The following RB1 variants were observed in gnomAD, a reference collection of about 807,000 sequenced individuals.
RB1 encodes retinoblastoma-associated protein.
RB1 carries 18 observed loss-of-function variants against 135.4 expected under a neutral mutation model. The observed-to-expected ratio is 0.13, with a 90% CI of 0.09 to 0.20. RB1 has a LOEUF of 0.20. Ranked by LOEUF, RB1 falls within the 10% of genes least tolerant of loss-of-function variation. The pLI, the probability that RB1 is intolerant of heterozygous loss-of-function variation, is 1.00. For missense variants in RB1, 868 were observed against 1,110.0 expected (o/e 0.78, Z 3.10); for synonymous variants, 365 against 373.2 (o/e 0.98, Z 0.25).
At chr13:48,463,409 A>C (rs1949417520) in intron 20 of RB1, among the ~76,000 whole-genome samples, 1 of 152,176 alleles carries the variant, frequency 6.6e-6, no homozygotes. Context: ...TGGCTTTTTA[A>C]AGTGCTAGTT....
chr13:48,304,713 G>C (rs1952065015), intron 1 of RB1, among the ~76,000 whole-genome samples: 1 of 152,112 alleles, frequency 6.6e-6, no homozygotes. Context: ...ACTGAAACAT[G>C]GGCAAAACTT....
At chr13:48,434,827 G>C (rs1949166856) in intron 17 of RB1, among the ~76,000 whole-genome samples, 1 of 152,116 alleles carries the variant, frequency 6.6e-6, no homozygotes, top group Admixed American at 6.6e-5. Context: ...GAATCAAACA[G>C]GATTAGTTTT....
At chr13:48,423,775 T>C (rs779723455) in intron 17 of RB1, among the ~76,000 whole-genome samples, 1 of 152,272 alleles carries the variant, frequency 6.6e-6, no homozygotes, top group South Asian at 2.1e-4. Flanking sequence ...CCAGGCATAG[T>C]GGTACACTCC....
intron 18 of RB1, among the ~76,000 whole-genome samples, chr13:48,455,085 T>C (rs1018266336): frequency 5.3e-5 from 8 of 152,158 alleles, no homozygotes; most frequent in African/African-American, 1.9e-4. Context: ...GTCTAAGGTA[T>C]GGTATTAGAA....
At chr13:48,458,070 A>G (rs1210962635) in intron 19 of RB1, among the ~76,000 whole-genome samples, 3 of 152,204 alleles carry the variant, frequency 2.0e-5, no homozygotes, top group African/African-American at 7.2e-5. Context: ...CTGCAGAAGC[A>G]CTGGGGAGCT....
In RB1 at chr13:48,480,666, G is replaced by T. The variant is rs1002573715; in HGVS notation, c.*595G>T. 3.5e-5 allele frequency: 8 copies of T among 225,394 alleles called. No individual in the cohort carries two copies. The highest frequency in any genetic ancestry group is 1.8e-4 in the African/African-American group (8 of 44,900). 14.0% of individuals were successfully genotyped at this position (225,394 alleles called of 1,614,324 possible). ...ACTATTGGAATCTGATATACTGTGT[G>T]CTTGTTTTATAAAATTTTGCTTTTA... On this transcript the variant is annotated 3_prime_UTR_variant, in exon 27 of 27. Transcript: ENST00000267163.
chr13:48,304,842 T>C (rs1012171039), intron 1 of RB1, among the ~76,000 whole-genome samples: 3 of 152,056 alleles, frequency 2.0e-5, no homozygotes, highest in Non-Finnish European at 4.4e-5. Context: ...CCATTTTGCC[T>C]TTTGACTTTG....
chr13:48,345,002 A>T, intron 3 of RB1, 78 bp from the exon 4 acceptor site: 1 of 1,473,278 alleles, frequency 6.8e-7, no homozygotes, highest in Non-Finnish European at 9.3e-7. Flanking sequence ...TTTGAATTGA[A>T]ATATCTATGA....
At chr13:48,311,206 T>TATAC (rs1356202551) in intron 2 of RB1, among the ~76,000 whole-genome samples, 1 of 152,236 alleles carries the variant, frequency 6.6e-6, no homozygotes, top group Non-Finnish European at 1.5e-5. Context: ...GGCTTTTTGT[T>TATAC]ATACATACAT....
intron 2 of RB1, among the ~76,000 whole-genome samples, chr13:48,338,479 G>A: frequency 6.6e-6 from 1 of 152,202 alleles, no homozygotes; most frequent in Non-Finnish European, 1.5e-5. Context: ...ATCAGCTGCT[G>A]AAGCTTGTGC....
chr13:48,356,430 A>G (rs777519746), intron 6 of RB1, among the ~76,000 whole-genome samples: 1 of 152,030 alleles, frequency 6.6e-6, no homozygotes, highest in Non-Finnish European at 1.5e-5. Flanking sequence ...ACTTTAAGTG[A>G]TATTATTTCT....
chr13:48,347,593 T>C (rs1249932015), intron 4 of RB1, among the ~76,000 whole-genome samples: 2 of 152,086 alleles, frequency 1.3e-5, no homozygotes, highest in Non-Finnish European at 2.9e-5. Context: ...TTCTATCTTA[T>C]TTATACCTTT....
chr13:48,389,944 C>T (rs192092819), intron 17 of RB1: 1 of 152,292 alleles, frequency 6.6e-6, no homozygotes, highest in Admixed American at 6.5e-5. Context: ...TGCTTGAGCC[C>T]GAGTTCAAGA....
intron 17 of RB1, among the ~76,000 whole-genome samples, chr13:48,413,569 T>C (rs1005274151): frequency 6.6e-6 from 1 of 152,212 alleles, no homozygotes; most frequent in African/African-American, 2.4e-5. Flanking sequence ...CTTTAAGGTA[T>C]AACAAGCATT....
At chr13:48,312,269 A>G (rs1268477434) in intron 2 of RB1, among the ~76,000 whole-genome samples, 1 of 152,098 alleles carries the variant, frequency 6.6e-6, no homozygotes, top group Non-Finnish European at 1.5e-5. Flanking sequence ...TTCATTAAAA[A>G]TTTTTAGCTG....
intron 16 of RB1, among the ~76,000 whole-genome samples, 192 bp downstream of exon 16, chr13:48,380,433 T>A (rs1461893161): frequency 3.9e-5 from 6 of 152,144 alleles, no homozygotes; most frequent in African/African-American, 1.4e-4. Flanking sequence ...TTTGAGGCCA[T>A]CTTGGGGATA....
chr13:48,477,207 A>C (rs1949509405), intron 25 of RB1, 148 bp from the exon 26 acceptor site: 4 of 650,630 alleles, frequency 6.1e-6, no homozygotes, highest in South Asian at 6.1e-5. Flanking sequence ...TTTATGTTTT[A>C]GATGGTTAGT....
intron 17 of RB1, among the ~76,000 whole-genome samples, chr13:48,423,792 C>T (rs1018640399): frequency 2.0e-5 from 3 of 152,090 alleles, no homozygotes; most frequent in African/African-American, 4.8e-5. Flanking sequence ...CTCCTGTAGT[C>T]GAAGCTACTC....
chr13:48,436,899 A>G (rs1388955884), intron 17 of RB1, among the ~76,000 whole-genome samples: 3 of 152,142 alleles, frequency 2.0e-5, no homozygotes, highest in Admixed American at 2.0e-4. Flanking sequence ...CCAGAAAACA[A>G]TAGCAATTTC....
Sources: gnomAD v4.1 joint callset for allele counts (sites outside exome capture counted in the v4.1 genomes callset) on GRCh38, gnomAD v4.1.1 for gene constraint, MANE v1.5 for transcripts, NCBI Gene and HGNC (gene_info 2026-07-23, HGNC 2026-07-21) for gene names.